Variants in TBX3 observed in about 807,000 individuals in gnomAD.
TBX3 encodes T-box transcription factor TBX3.
TBX3 carries 11 observed loss-of-function variants against 47.8 expected under a neutral mutation model. The ratio of observed to expected loss-of-function variants is 0.23; its 90% CI spans 0.14 to 0.38. TBX3 has a LOEUF of 0.38. Ranked by LOEUF, TBX3 falls within the 10% of genes least tolerant of loss-of-function variation. The probability of loss-of-function intolerance (pLI) is 1.00; values close to 1 mark genes in which losing one functional copy is unlikely to be tolerated. For synonymous variants in TBX3, 500 were observed against 449.3 expected (o/e 1.11, Z -1.43); for missense variants, 927 against 1,022.8 (o/e 0.91, Z 1.28).
chr12:114,672,355 C>G, intron 6 of TBX3, 53 bp from the exon 7 acceptor site: 1 of 1,407,832 alleles, frequency 7.1e-7, no homozygotes, highest in Non-Finnish European at 9.5e-7. Flanking sequence ...AGGAGCTTAT[C>G]TCATCCCTCT....
chr12:114,678,055 C>G (rs1182744546), intron 3 of TBX3, among the ~76,000 whole-genome samples: 1 of 151,476 alleles, frequency 6.6e-6, no homozygotes, highest in East Asian at 1.9e-4. Flanking sequence ...CACACACACA[C>G]ACTCCTTTTC....
At position 114,674,756 on chromosome 12, in the gene TBX3, G is replaced by A. The variant is rs772773117; in HGVS notation, c.1119C>T (p.Ala373=). The change falls in exon 6 of 7, where the codon GCC becomes GCT. Residue 373 remains alanine, a synonymous_variant. Transcript: ENST00000349155. ...CCTCCGACGTGGTGGTGGAGATCTT[G>A]GCCGCGTCGCAGGCCTCGGGGCCAT... ...EEHGPEACDA[A]KISTTTSEEP... is the part of the protein sequence containing the mutation. 6.3e-7 allele frequency: 1 copy of A among 1,592,288 alleles called. No individual in the cohort carries two copies. Among genetic ancestry groups the A allele is most frequent in the Non-Finnish European group, 8.5e-7 (1 of 1,174,036 alleles).
At position 114,683,664 on chromosome 12, in the gene TBX3, CTTTCTT is replaced by C. The variant is rs1301876589; in HGVS notation, c.-470_-465del. 1 of 229,966 alleles carries C rather than the reference CTTTCTT, an allele frequency of 4.3e-6. No individual in the cohort carries two copies. The highest frequency in any genetic ancestry group is 8.6e-6 in the Non-Finnish European group (1 of 116,686). 14.2% of individuals were successfully genotyped at this position (229,966 alleles called of 1,614,324 possible). A position where few individuals can be genotyped will look rare whatever the true frequency, so the allele number is the denominator to read the frequency against. ...AAGGTTCTCCTAGAAGACTTTTTAC[CTTTCTT>C]TTTCTTCTTCCCCCGCCCCCTATCT... On this transcript the variant is annotated 5_prime_UTR_variant, in exon 1 of 7. Transcript: ENST00000349155. This position sits in a 1 kb window ranked among gnomAD's most constrained non-coding sequence, Gnocchi z 7.7.
rs985432635 is a variant in TBX3, at chr12:114,671,077, C to T, written c.*764G>A. 5.8e-5 allele frequency: 12 copies of T among 208,676 alleles called. No individual in the cohort carries two copies. Among genetic ancestry groups the T allele is most frequent in the Middle Eastern group, 1.5e-3 (1 of 656 alleles). The allele number at this position is 208,676 out of a possible 1,614,324, so 12.9% of individuals were successfully genotyped here. A position where few individuals can be genotyped will look rare whatever the true frequency, so the allele number is the denominator to read the frequency against. ...ATTCATTTTATGTGTTTTGCCCACT[C>T]CTTCCCTTTAAATCCCCCCCTCCCT... On this transcript the variant is annotated 3_prime_UTR_variant, in exon 7 of 7. Coordinates refer to ENST00000349155, the MANE Select transcript of TBX3 (RefSeq NM_005996.4).
Position 114,672,107 on chromosome 12 carries a change from G to A in TBX3, c.1906C>T (p.Leu636Phe), listed in dbSNP as rs563684608. ...PVPVPDGSSL[L>F]TTALPSMAAA... ...GCCATGGAGGGCAGGGCGGTGGTGA[G>A]CAGACTGCTGCCGTCCGGGACCGGC... is the stretch of plus-strand genomic sequence containing the variant. Residue 636 changes from leucine (L) to phenylalanine (F), a missense_variant, in exon 7 of 7, where the codon CTC becomes TTC. Physicochemically the swap from Leu to Phe is conservative, Grantham distance 22. Transcript: ENST00000349155. 3 of 1,568,502 alleles carry A rather than the reference G, an allele frequency of 1.9e-6. No individual in the cohort carries two copies. In the East Asian group the frequency reaches 7.1e-5, roughly 37 times the overall value.
Position 114,682,695 on chromosome 12 carries a change from G to A in TBX3, c.389+117C>T, listed in dbSNP as rs1868990121. ...GGAAGTCTGTGCATACATTTCTAGG[G>A]GAACTAACTTTTCGTCCAAGCCGTA... is the stretch of plus-strand genomic sequence containing the variant. On this transcript the variant is annotated intron_variant, in intron 1 of 6. Coordinates refer to ENST00000349155, the MANE Select transcript of TBX3 (RefSeq NM_005996.4). The A allele has an allele frequency of 3.3e-6, 5 of 1,509,476 alleles. No individual in the cohort carries two copies. In the South Asian group the frequency reaches 3.5e-5, roughly 10 times the overall value. The allele number at this position is 1,509,476 out of a possible 1,614,324, so 93.5% of individuals were successfully genotyped here.
Position 114,671,558 on chromosome 12 carries a change from A to C in TBX3, c.*283T>G. 1 of 531,614 alleles carries C rather than the reference A, an allele frequency of 1.9e-6. No homozygotes were observed. Among genetic ancestry groups the C allele is most frequent in the Non-Finnish European group, 3.4e-6 (1 of 294,868 alleles). 32.9% of individuals were successfully genotyped at this position (531,614 alleles called of 1,614,324 possible). A position where few individuals can be genotyped will look rare whatever the true frequency, so the allele number is the denominator to read the frequency against. On this transcript the variant is annotated 3_prime_UTR_variant, in exon 7 of 7. Coordinates refer to ENST00000349155, the MANE Select transcript of TBX3 (RefSeq NM_005996.4). ...AGAGACCCAGACCAGCCTTGCTGGA[A>C]GTTGCTCTGGACATAAATGTTGGAA...
In TBX3 at chr12:114,672,856, C is replaced by A. The variant is rs563672127; in HGVS notation, c.1711-554G>T. Among the ~76,000 whole-genome samples the A allele has an allele frequency of 7.3e-4, 110 of 151,578 alleles. 1 individual carries two copies. Among genetic ancestry groups the A allele is most frequent in the African/African-American group, 2.5e-3 (105 of 41,344 alleles). ...TTTCTCCAAACAAAACAAAACAAAACAAAAAAAACAGACAGTGAAGATCTT... is the reference window on the plus strand; with the variant it reads ...TTTCTCCAAACAAAACAAAACAAAAAAAAAAAAACAGACAGTGAAGATCTT... On this transcript the variant is annotated intron_variant, in intron 6 of 6. Transcript: ENST00000349155.
Position 114,671,932 on chromosome 12 carries a change from T to G in TBX3, c.2081A>C (p.Lys694Thr), listed in dbSNP as rs1430734511. ...CTGCAGTTCGCTGGTGGCCGCCTCT[T>G]TCTCCGCGCAGAGTTTGGGCGACAA... ...MSLSPKLCAE[K>T]EAATSELQSI... The change falls in exon 7 of 7, where the codon AAA becomes ACA. Residue 694 changes from lysine to threonine, a missense_variant. Coordinates refer to ENST00000349155, the MANE Select transcript of TBX3 (RefSeq NM_005996.4). 6.3e-7 allele frequency: 1 copy of G among 1,591,728 alleles called. No homozygotes were observed. The highest frequency in any genetic ancestry group is 2.3e-5 in the East Asian group (1 of 43,704).
Position 114,671,767 on chromosome 12 carries a change from G to A in TBX3, c.*74C>T. On this transcript the variant is annotated 3_prime_UTR_variant, in exon 7 of 7. Transcript: ENST00000349155. ...AGGGCTAACGCCATGGCGGGCCCGT[G>A]GTTTATTTTATATCCGACAAAGTGC... is the stretch of plus-strand genomic sequence containing the variant. 6.5e-7 allele frequency: 1 copy of A among 1,529,938 alleles called. No individual in the cohort carries two copies. Among genetic ancestry groups the A allele is most frequent in the Non-Finnish European group, 8.8e-7 (1 of 1,130,570 alleles). 94.8% of individuals were successfully genotyped at this position (1,529,938 alleles called of 1,614,324 possible).
Position 114,671,541 on chromosome 12 carries a change from A to G in TBX3, c.*300T>C. On this transcript the variant is annotated 3_prime_UTR_variant, in exon 7 of 7. Transcript: ENST00000349155. The stretch of plus-strand genomic sequence containing the variant: ...CTCCCCGCCTGGTGGGCAGAGACCC[A>G]GACCAGCCTTGCTGGAAGTTGCTCT... The G allele has an allele frequency of 2.0e-6, 1 of 512,288 alleles. No homozygotes were observed. The highest frequency in any genetic ancestry group is 2.2e-5 in the South Asian group (1 of 44,876). The allele number at this position is 512,288 out of a possible 1,614,324, so 31.7% of individuals were successfully genotyped here.
In TBX3 at chr12:114,682,985, G is replaced by C; in HGVS notation, c.216C>G (p.Ala72=). The change falls in exon 1 of 7, where the codon GCC becomes GCG. Residue 72 remains alanine (A), a synonymous_variant. Transcript: ENST00000349155. ...KPIMDQLVGA[A]ETGIPFSSLG... ...GGGAGGAGAACGGGATGCCGGTCTC[G>C]GCCGCCCCCACCAATTGATCCATGA... is the stretch of plus-strand genomic sequence containing the variant. The C allele has an allele frequency of 6.2e-7, 1 of 1,614,038 alleles. No homozygotes were observed. The highest frequency in any genetic ancestry group is 8.5e-7 in the Non-Finnish European group (1 of 1,180,010).
intron 5 of TBX3, among the ~76,000 whole-genome samples, chr12:114,675,985 CAG>C (rs1435912607): frequency 6.6e-6 from 1 of 151,964 alleles, no homozygotes; most frequent in African/African-American, 2.4e-5. Flanking sequence ...GAGAAAGAAA[CAG>C]AGACAGAGAG....
Position 114,682,947 on chromosome 12 carries a change from G to C in TBX3, c.254C>G (p.Ala85Gly), listed in dbSNP as rs777208877. The part of the protein sequence containing the change: ...GIPFSSLGPQ[A>G]HLRPLKTMEP... Reference sequence around the variant, plus strand: ...CATGGTCTTCAAAGGCCTCAGATGCGCCTGGGGCCCCAGGGAGGAGAACGG... The same window carrying C: ...CATGGTCTTCAAAGGCCTCAGATGCCCCTGGGGCCCCAGGGAGGAGAACGG... Residue 85 changes from alanine (A) to glycine (G), a missense_variant, in exon 1 of 7, where the codon GCG (alanine) becomes GGG (glycine). This residue lies in a region of TBX3 where 216 missense variants were observed against 281.2 expected (regional missense o/e 0.77). Transcript: ENST00000349155. The C allele has an allele frequency of 1.9e-6, 3 of 1,614,074 alleles. No individual in the cohort carries two copies. The Admixed American group carries it at 5.0e-5, about 27-fold the overall frequency.
intron 6 of TBX3, among the ~76,000 whole-genome samples, chr12:114,673,703 G>A (rs186289890): frequency 1.3e-5 from 2 of 152,298 alleles, no homozygotes; most frequent in South Asian, 2.1e-4. Context: ...CCTCAAAGAG[G>A]CCCTGGAGTC....
At chr12:114,680,327 A>G in intron 2 of TBX3, 2 of 351,092 alleles carry the variant, frequency 5.7e-6, no homozygotes, top group South Asian at 5.7e-5. Context: ...GAATCCATAT[A>G]TACACTCCCA....
chr12:114,680,028 A>G lies in TBX3; in HGVS notation c.658-377T>C, dbSNP rs1868861140. ...ATTTACAAAATGATTCAGTACTTTA[A>G]GCGCCCACTAATTGACGAGCCCAAT... On this transcript the variant is annotated intron_variant, in intron 2 of 6. Transcript: ENST00000349155. 2.5e-6 allele frequency: 4 copies of G among 1,584,926 alleles called. No individual in the cohort carries two copies. The Admixed American group carries it at 6.7e-5, about 27-fold the overall frequency.
rs781632308 is a variant in TBX3, at chr12:114,671,963, T to C, written c.2050A>G (p.Met684Val). Reference protein sequence around the residue: ...SRSSTLSSSSMSLSPKLCAEK... With the variant: ...SRSSTLSSSSVSLSPKLCAEK... The stretch of plus-strand genomic sequence containing the variant: ...GCGCAGAGTTTGGGCGACAAGGACA[T>C]GGAGCTGGAGGAGAGCGTGGAGGAG... Residue 684 changes from methionine to valine, a missense_variant, in exon 7 of 7, where the codon ATG becomes GTG. Transcript: ENST00000349155. 2 of 1,600,434 alleles carry C rather than the reference T, an allele frequency of 1.2e-6. No homozygotes were observed. The highest frequency in any genetic ancestry group is 1.1e-5 in the South Asian group (1 of 88,542).
chr12:114,674,820 T>A lies in TBX3; in HGVS notation c.1055A>T (p.Glu352Val). Residue 352 changes from glutamate to valine, a missense_variant, in exon 6 of 7, where the codon GAG becomes GTG. Physicochemically the swap from Glu to Val is moderately radical, Grantham distance 121 (BLOSUM62 -2). This residue lies in a region of TBX3 where 623 missense variants were observed against 569.0 expected (regional missense o/e 1.09). Coordinates refer to ENST00000349155, the MANE Select transcript of TBX3 (RefSeq NM_005996.4). ...CTCGGCCTCGGCGTCGCTCTCACCC[T>A]CGCTGGGACATAAATCTACCACAGG... ...TSNLKDLCPS[E>V]GESDAEAESK... The A allele has an allele frequency of 6.4e-7, 1 of 1,573,254 alleles. No individual in the cohort carries two copies. Among genetic ancestry groups the A allele is most frequent in the Admixed American group, 1.8e-5 (1 of 54,606 alleles).
Sources: gnomAD v4.1 joint callset for allele counts (sites outside exome capture counted in the v4.1 genomes callset) on GRCh38, gnomAD v4.1.1 for gene constraint, gnomAD v4.1.1 regional missense constraint, Gnocchi (gnomAD v3.1) non-coding constraint, MANE v1.5 for transcripts, NCBI Gene and HGNC (gene_info 2026-07-23, HGNC 2026-07-21) for gene names.